CSGALNACT2: variants seen among roughly 807,000 people sequenced by gnomAD.
CSGALNACT2 encodes beta 4 GalNAcT-2.
In CSGALNACT2, 35 loss-of-function variants were observed where a neutral mutation model predicts 55.3. That is an observed-to-expected ratio of 0.63 (90% CI 0.48 to 0.84). The LOEUF is 0.84. Ranked by LOEUF, CSGALNACT2 falls within the 40% of genes least tolerant of loss-of-function variation. The pLI, the probability that CSGALNACT2 is intolerant of heterozygous loss-of-function variation, is 0.00. For synonymous variants in CSGALNACT2, 196 were observed against 224.9 expected, an observed-to-expected ratio of 0.87 and a Z score of 1.15; for missense variants, 544 against 657.5, an observed-to-expected ratio of 0.83 and a Z score of 1.89.
chr10:43,151,836 G>A (rs1056727188), intron 1 of CSGALNACT2, among the ~76,000 whole-genome samples: 20 of 152,226 alleles, frequency 1.3e-4, no homozygotes, highest in African/African-American at 4.8e-4. Context: ...TGTTTCTCTG[G>A]GGATCACTGT....
In CSGALNACT2 at chr10:43,166,986, C is replaced by T; in HGVS notation, c.1160-18C>T. The T allele has an allele frequency of 6.7e-7, 1 of 1,484,640 alleles. No homozygotes were observed. The highest frequency in any genetic ancestry group is 2.3e-5 in the East Asian group (1 of 43,906). 92.0% of individuals were successfully genotyped at this position (1,484,640 alleles called of 1,614,324 possible). The stretch of plus-strand genomic sequence containing the variant: ...CATAACTTCTTTTTATGTTACAAAC[C>T]TATATTTTAATTTGTAGGTAAGAAG... On this transcript the variant is annotated intron_variant, in intron 5 of 7. Coordinates refer to ENST00000374466, the MANE Select transcript of CSGALNACT2 (RefSeq NM_018590.5).
chr10:43,183,098 T>TG, intron 7 of CSGALNACT2, 152 bp from the exon 8 acceptor site: 1 of 652,386 alleles, frequency 1.5e-6, no homozygotes. Flanking sequence ...TTCCGGTGAC[T>TG]GGGAGTCACT....
chr10:43,140,751 A>G lies in CSGALNACT2; in HGVS notation c.-254+2184A>G, dbSNP rs114750338. Among the ~76,000 whole-genome samples, 1,009 of 152,382 alleles carry G rather than the reference A, an allele frequency of 6.6e-3. 13 individuals are homozygous for G. The highest frequency in any genetic ancestry group is 0.023 in the African/African-American group (960 of 41,598). On this transcript the variant is annotated intron_variant, in intron 1 of 7. Coordinates refer to ENST00000374466, the MANE Select transcript of CSGALNACT2 (RefSeq NM_018590.5). ...TTGTCATGCTACACAAGCACTAGGT[A>G]TAAGTGTAAAATTGAATTATAGGGC... is the stretch of plus-strand genomic sequence containing the variant.
intron 1 of CSGALNACT2, among the ~76,000 whole-genome samples, chr10:43,146,964 T>C (rs894349555): frequency 6.8e-3 from 1 of 146 alleles, no homozygotes. Flanking sequence ...GTTGAGCATC[T>C]TTTTTTTTTT....
chr10:43,181,479 T>G (rs1250846593), intron 7 of CSGALNACT2, among the ~76,000 whole-genome samples: 1 of 152,216 alleles, frequency 6.6e-6, no homozygotes, highest in Non-Finnish European at 1.5e-5. Context: ...ATCTCTAATA[T>G]TCTAAGAGCT....
chr10:43,180,847 T>C (rs1052345330), intron 7 of CSGALNACT2, among the ~76,000 whole-genome samples: 1 of 152,130 alleles, frequency 6.6e-6, no homozygotes, highest in African/African-American at 2.4e-5. Flanking sequence ...CAGTCTCCCC[T>C]CCTCTCCTGG....
intron 6 of CSGALNACT2, among the ~76,000 whole-genome samples, chr10:43,168,190 C>T (rs370184751): frequency 3.9e-4 from 60 of 152,244 alleles, no homozygotes; most frequent in African/African-American, 1.3e-3. Context: ...TGGTGGCTCA[C>T]GCCTGTAATC....
intron 1 of CSGALNACT2, among the ~76,000 whole-genome samples, chr10:43,153,239 G>C (rs1838917372): frequency 6.7e-6 from 1 of 149,716 alleles, no homozygotes; most frequent in African/African-American, 2.5e-5. Flanking sequence ...GGAGGCTGAG[G>C]CAGGAGAATA....
rs1276049680 is a variant in CSGALNACT2 at position 43,184,940 on chromosome 10, A to C, written c.*1398A>C. 2 of 152,200 alleles carry C rather than the reference A, an allele frequency of 1.3e-5. No individual in the cohort carries two copies. The highest frequency in any genetic ancestry group is 2.4e-5 in the African/African-American group (1 of 41,454). The allele number at this position is 152,200 out of a possible 1,614,324, so 9.4% of individuals were successfully genotyped here. A position where few individuals can be genotyped will look rare whatever the true frequency, so the allele number is the denominator to read the frequency against. On this transcript the variant is annotated 3_prime_UTR_variant, in exon 8 of 8. Transcript: ENST00000374466. ...AATTTCTAGGTGCTATATTAATTCA[A>C]TATTACAATAACTCTTACCTAATTA...
At chr10:43,173,842 A>C (rs1839428329) in intron 6 of CSGALNACT2, among the ~76,000 whole-genome samples, 1 of 152,020 alleles carries the variant, frequency 6.6e-6, no homozygotes, top group African/African-American at 2.4e-5. Context: ...TAAATACCAA[A>C]ATTAGCCAGG....
At chr10:43,181,820 C>T (rs372133395) in intron 7 of CSGALNACT2, among the ~76,000 whole-genome samples, 19 of 126,562 alleles carry the variant, frequency 1.5e-4, no homozygotes, top group Non-Finnish European at 2.6e-4. Flanking sequence ...CGGTGGCTCA[C>T]GCCTGTAATC....
chr10:43,180,626 T>C (rs1340566810), intron 7 of CSGALNACT2, among the ~76,000 whole-genome samples: 1 of 152,238 alleles, frequency 6.6e-6, no homozygotes, highest in East Asian at 1.9e-4. Flanking sequence ...TGTCTGTTCA[T>C]ACTGTGTTTT....
chr10:43,167,504 A>G (rs1173203719), intron 6 of CSGALNACT2, among the ~76,000 whole-genome samples: 2 of 152,228 alleles, frequency 1.3e-5, no homozygotes, highest in Non-Finnish European at 2.9e-5. Flanking sequence ...AAGTCATAGA[A>G]TATAAATGCC....
chr10:43,141,313 G>T lies in CSGALNACT2; in HGVS notation c.-254+2746G>T, dbSNP rs569159166. On this transcript the variant is annotated intron_variant, in intron 1 of 7. Coordinates refer to ENST00000374466, the MANE Select transcript of CSGALNACT2 (RefSeq NM_018590.5). ...GCTTACTGCGAGCTCCACCTCCCAG[G>T]TTCACGCCATTCTCCTGCCTCAGCC... Among the ~76,000 whole-genome samples the T allele has an allele frequency of 1.3e-3, 197 of 152,196 alleles. 1 individual carries two copies. Among genetic ancestry groups the T allele is most frequent in the South Asian group, 6.6e-3 (32 of 4,826 alleles).
rs1661661545 is a variant in CSGALNACT2, at chr10:43,138,518, G to C, written c.-303G>C. On this transcript the variant is annotated 5_prime_UTR_variant, in exon 1 of 8. Coordinates refer to ENST00000374466, the MANE Select transcript of CSGALNACT2 (RefSeq NM_018590.5). ...GGGCCCAAGGCGTGAGGCGCCGCCCGGGTGTCCCCGCGGCGCAGGAGGCGG... is the reference window on the plus strand; with the variant it reads ...GGGCCCAAGGCGTGAGGCGCCGCCCCGGTGTCCCCGCGGCGCAGGAGGCGG... 6.7e-6 allele frequency: 1 copy of C among 150,364 alleles called. No individual in the cohort carries two copies. The highest frequency in any genetic ancestry group is 2.4e-5 in the African/African-American group (1 of 41,214). The allele number at this position is 150,364 out of a possible 1,614,324, so 9.3% of individuals were successfully genotyped here.
At chr10:43,173,908 G>T (rs1213681478) in intron 6 of CSGALNACT2, among the ~76,000 whole-genome samples, 1 of 152,094 alleles carries the variant, frequency 6.6e-6, no homozygotes, top group Non-Finnish European at 1.5e-5. Flanking sequence ...CACGGAAATC[G>T]CTTGAACCTG....
intron 4 of CSGALNACT2, chr10:43,163,577 G>A: frequency 1.0e-6 from 1 of 985,366 alleles, no homozygotes; most frequent in Non-Finnish European, 1.2e-6. Context: ...TTCCATTTGT[G>A]TATTTTTCAA....
chr10:43,170,073 C>A (rs1839353466), intron 6 of CSGALNACT2, among the ~76,000 whole-genome samples: 1 of 151,860 alleles, frequency 6.6e-6, no homozygotes, highest in Non-Finnish European at 1.5e-5. Flanking sequence ...TGGTGAACAA[C>A]CAAAAAAATT....
At chr10:43,163,282 C>A in intron 4 of CSGALNACT2, 1 of 902,576 alleles carries the variant, frequency 1.1e-6, no homozygotes, top group Non-Finnish European at 1.3e-6. Context: ...AACTCCTACT[C>A]TATCAGGGGA....
Sources: gnomAD v4.1 joint callset for allele counts (sites outside exome capture counted in the v4.1 genomes callset) on GRCh38, gnomAD v4.1.1 for gene constraint, MANE v1.5 for transcripts, NCBI Gene and HGNC (gene_info 2026-07-23, HGNC 2026-07-21) for gene names.